The following ADGRV1 variants were observed in gnomAD, a reference collection of about 807,000 sequenced individuals.
ADGRV1 encodes adhesion G protein-coupled receptor V1, also known as G-protein coupled receptor 98.
In ADGRV1, 359 loss-of-function variants were observed where a neutral mutation model predicts 596.2. The ratio of observed to expected loss-of-function variants is 0.60; its 90% CI spans 0.55 to 0.66. ADGRV1 has a LOEUF of 0.66. ADGRV1 is among the 30% of genes least tolerant of loss of function. The pLI, the probability that ADGRV1 is intolerant of heterozygous loss-of-function variation, is 0.00. For synonymous variants in ADGRV1, 2,681 were observed against 2,679.2 expected, an observed-to-expected ratio of 1.00 and a Z score of -0.02; for missense variants, 7,274 against 7,575.6, an observed-to-expected ratio of 0.96 and a Z score of 1.48.
chr5:90,999,425 A>T lies in ADGRV1; in HGVS notation c.18152+13903A>T, dbSNP rs747780372. ...TGTTGCCATAAGAGTCTCAGTCTAT[A>T]TTCATCCTAATTTATTAACTAGATG... On this transcript the variant is annotated intron_variant, in intron 85 of 89. Transcript: ENST00000405460. 5.9e-5 allele frequency among the ~76,000 whole-genome samples: 9 copies of T among 152,124 alleles called. No homozygotes were observed. The East Asian group carries it at 1.7e-3, about 29-fold the overall frequency.
chr5:90,719,388 C>T lies in ADGRV1; in HGVS notation c.9448-660C>T, dbSNP rs546998575. Among the ~76,000 whole-genome samples the T allele has an allele frequency of 5.3e-5, 8 of 152,114 alleles. No homozygotes were observed. In the East Asian group the frequency reaches 5.8e-4, roughly 11 times the overall value. On this transcript the variant is annotated intron_variant, in intron 43 of 89. Transcript: ENST00000405460. ...AAATGTATTTAACATTATCATCACC[C>T]GGAAGATTCCCCCTGTCTCTTCCCC...
At chr5:91,004,044 C>T (rs374007502) in intron 85 of ADGRV1, among the ~76,000 whole-genome samples, 6 of 151,924 alleles carry the variant, frequency 3.9e-5, no homozygotes, top group African/African-American at 7.3e-5. Flanking sequence ...GAGAAAATGT[C>T]GACTATAAGG....
In ADGRV1 at chr5:90,689,986, A is replaced by G. The variant is rs776599015; in HGVS notation, c.6616A>G (p.Met2206Val). The G allele has an allele frequency of 6.2e-6, 10 of 1,608,854 alleles. No homozygotes were observed. Among genetic ancestry groups the G allele is most frequent in the Non-Finnish European group, 8.5e-6 (10 of 1,177,356 alleles). ...GGAAGAATCTTTTCTTGTGCAACTG[A>G]TGAATGAAACAACAGGAGGAGCCAG... ...ELEESFLVQL[M>V]NETTGGARLG... The change falls in exon 30 of 90, where the codon ATG (methionine) becomes GTG (valine). Residue 2206 changes from methionine to valine, a missense_variant. By Grantham distance (21) the Met-to-Val change is conservative. Coordinates refer to ENST00000405460, the MANE Select transcript of ADGRV1 (RefSeq NM_032119.4).
intron 1 of ADGRV1, among the ~76,000 whole-genome samples, chr5:90,606,235 AAAT>A (rs1762095789): frequency 6.6e-6 from 1 of 152,204 alleles, no homozygotes; most frequent in African/African-American, 2.4e-5. Flanking sequence ...TGACAAAACT[AAAT>A]AAGGCAAGGG....
In ADGRV1 at chr5:91,072,536, A is replaced by G. The variant is rs1279742265; in HGVS notation, c.18242A>G (p.His6081Arg). The change falls in exon 86 of 90, where the codon CAT becomes CGT. Residue 6081 changes from histidine (H) to arginine (R), a missense_variant. By Grantham distance (29) the His-to-Arg change is conservative (BLOSUM62 0). Coordinates refer to ENST00000405460, the MANE Select transcript of ADGRV1 (RefSeq NM_032119.4). ...CLVVVFVVFI[H>R]AYQVKPQWKA... ...GTGGTGGTGTTCGTGGTGTTCATCC[A>G]TGCCTACCAGGTGAAGCCACAGTGG... 3.1e-6 allele frequency: 5 copies of G among 1,613,854 alleles called. 1 individual carries two copies. In the South Asian group the frequency reaches 5.5e-5, roughly 18 times the overall value.
intron 21 of ADGRV1, among the ~76,000 whole-genome samples, chr5:90,665,882 A>C (rs1771267855): frequency 6.7e-6 from 1 of 149,886 alleles, no homozygotes; most frequent in Non-Finnish European, 1.5e-5. Context: ...TCCAGTAGTC[A>C]TTCAGGAGCA....
intron 83 of ADGRV1, among the ~76,000 whole-genome samples, chr5:90,930,914 T>C (rs981210787): frequency 1.3e-5 from 2 of 152,136 alleles, no homozygotes; most frequent in Admixed American, 6.5e-5. Flanking sequence ...TGCCTAACTT[T>C]GAAGGAGAAA....
At chr5:90,923,706 T>G (rs1409946883) in intron 83 of ADGRV1, among the ~76,000 whole-genome samples, 1 of 152,184 alleles carries the variant, frequency 6.6e-6, no homozygotes, top group East Asian at 1.9e-4. Context: ...TGTATACATG[T>G]GCCATGCTGG....
At chr5:90,916,163 T>C (rs976047997) in intron 83 of ADGRV1, among the ~76,000 whole-genome samples, 1 of 140,480 alleles carries the variant, frequency 7.1e-6, no homozygotes, top group Non-Finnish European at 1.6e-5. Context: ...TATGTTTTTA[T>C]GGATTTTTTT....
chr5:91,121,855 A>G (rs148382118), intron 87 of ADGRV1, among the ~76,000 whole-genome samples: 1,893 of 152,266 alleles, frequency 0.012, 21 homozygotes, highest in Middle Eastern at 0.02. Flanking sequence ...GCAACTCTAA[A>G]GCCGTAGCAT....
intron 83 of ADGRV1, among the ~76,000 whole-genome samples, chr5:90,902,976 A>C (rs1420304878): frequency 1.3e-5 from 2 of 152,138 alleles, no homozygotes; most frequent in Non-Finnish European, 2.9e-5. Flanking sequence ...CCCTTATTTT[A>C]AGAAAAATTG....
chr5:90,696,872 C>T (rs1747254980), intron 33 of ADGRV1, 65 bp from the exon 34 acceptor site: 3 of 1,158,138 alleles, frequency 2.6e-6, no homozygotes, highest in Non-Finnish European at 3.7e-6. Context: ...TATTTTGGGC[C>T]TTTCTGAGTT....
At chr5:90,923,970 T>G (rs1296479785) in intron 83 of ADGRV1, among the ~76,000 whole-genome samples, 1 of 151,948 alleles carries the variant, frequency 6.6e-6, no homozygotes, top group Non-Finnish European at 1.5e-5. Context: ...TCCTCATTTT[T>G]TATGGCTGCA....
intron 83 of ADGRV1, among the ~76,000 whole-genome samples, chr5:90,954,345 A>C (rs1017398397): frequency 6.6e-6 from 1 of 152,102 alleles, no homozygotes; most frequent in African/African-American, 2.4e-5. Flanking sequence ...ACGTTAGAAA[A>C]TACTAATTCA....
intron 50 of ADGRV1, among the ~76,000 whole-genome samples, chr5:90,742,011 A>G (rs1285955201): frequency 6.6e-6 from 1 of 152,244 alleles, no homozygotes; most frequent in African/African-American, 2.4e-5. Context: ...CTACAAGGAC[A>G]TACAAACTTA....
intron 84 of ADGRV1, among the ~76,000 whole-genome samples, chr5:90,972,389 C>G (rs1167449959): frequency 1.3e-5 from 2 of 152,210 alleles, no homozygotes; most frequent in Non-Finnish European, 2.9e-5. Context: ...CCCAAATCAA[C>G]AGATTATACA....
At chr5:90,612,252 G>A (rs761465935) in intron 1 of ADGRV1, among the ~76,000 whole-genome samples, 1 of 152,016 alleles carries the variant, frequency 6.6e-6, no homozygotes, top group Non-Finnish European at 1.5e-5. Context: ...GAGCTGTAGT[G>A]TCATTTAAAT....
At chr5:91,128,362 T>C (rs1793941128) in intron 87 of ADGRV1, among the ~76,000 whole-genome samples, 1 of 152,028 alleles carries the variant, frequency 6.6e-6, no homozygotes, top group African/African-American at 2.4e-5. Flanking sequence ...TAAAAATGGG[T>C]TTATTGAGAT....
chr5:90,818,758 A>T (rs1261896208), intron 75 of ADGRV1, among the ~76,000 whole-genome samples: 2 of 151,558 alleles, frequency 1.3e-5, no homozygotes, highest in South Asian at 2.1e-4. Flanking sequence ...CATCCCAGGG[A>T]TGAAGCCCAC....
Sources: gnomAD v4.1 joint callset for allele counts (sites outside exome capture counted in the v4.1 genomes callset) on GRCh38, gnomAD v4.1.1 for gene constraint, MANE v1.5 for transcripts, NCBI Gene and HGNC (gene_info 2026-07-23, HGNC 2026-07-21) for gene names.